Variants in SLC22A2 observed in about 807,000 individuals in gnomAD.
The protein encoded by SLC22A2 is solute carrier family 22 member 2.
SLC22A2 carries 46 observed loss-of-function variants against 60.5 expected under a neutral mutation model. The ratio of observed to expected loss-of-function variants is 0.76; its 90% CI spans 0.60 to 0.97. The LOEUF (loss-of-function observed/expected upper bound fraction) is 0.97. Among genes scored for constraint, SLC22A2 ranks in the 50% least tolerant of loss-of-function variants. The pLI is 0.00. For missense variants in SLC22A2, 701 were observed against 706.6 expected, an observed-to-expected ratio of 0.99 and a Z score of 0.09; for synonymous variants, 303 against 267.0, an observed-to-expected ratio of 1.13 and a Z score of -1.31.
At chr6:160,250,762 A>C in intron 2 of SLC22A2, 60 bp from the exon 3 acceptor site, 2 of 1,532,380 alleles carry the variant, frequency 1.3e-6, no homozygotes, top group Non-Finnish European at 1.8e-6. Flanking sequence ...AAGATTGTGG[A>C]AAATGCATGG....
rs541152312 is a variant in SLC22A2 at position 160,221,044 on chromosome 6, A to AT, written c.1602-3547dup. Among the ~76,000 whole-genome samples, 9 of 152,160 alleles carry AT rather than the reference A, an allele frequency of 5.9e-5. No homozygotes were observed. In the South Asian group the frequency reaches 1.5e-3, roughly 25 times the overall value. ...CTTCGAGCTTTGAAACCAGACATTG[A>AT]TTTTTTCCTCGCTCTTCATGAAAGT... is the stretch of plus-strand genomic sequence containing the variant. On this transcript the variant is annotated intron_variant, in intron 10 of 10. Transcript: ENST00000366953.
At chr6:160,236,389 T>G (rs939217990) in intron 9 of SLC22A2, among the ~76,000 whole-genome samples, 3 of 152,200 alleles carry the variant, frequency 2.0e-5, no homozygotes, top group African/African-American at 7.2e-5. Flanking sequence ...GAAACTTTTC[T>G]TTTGAGCTAT....
At chr6:160,221,632 G>A (rs1782645644) in intron 10 of SLC22A2, among the ~76,000 whole-genome samples, 1 of 152,246 alleles carries the variant, frequency 6.6e-6, no homozygotes, top group Non-Finnish European at 1.5e-5. Context: ...TTAACACCTA[G>A]AGGGCATTGT....
chr6:160,243,347 TA>T (rs756533908), intron 7 of SLC22A2, among the ~76,000 whole-genome samples: 20 of 151,986 alleles, frequency 1.3e-4, no homozygotes, highest in Non-Finnish European at 2.6e-4. Flanking sequence ...CATGGGGCTG[TA>T]AAGTCTCTCT....
intron 10 of SLC22A2, among the ~76,000 whole-genome samples, chr6:160,221,495 C>T (rs1191045012): frequency 1.3e-5 from 2 of 152,236 alleles, no homozygotes; most frequent in African/African-American, 4.8e-5. Flanking sequence ...TGTGCATTCT[C>T]GACTTGGCTA....
In SLC22A2 at chr6:160,230,852, C is replaced by A. The variant is rs189294614; in HGVS notation, c.1502-6048G>T. ...CATGTCCCATCTGTGCAGGACCCCA[C>A]TGGAAATTGGACTGTCCAACTTGCC... is the stretch of plus-strand genomic sequence containing the variant. On this transcript the variant is annotated intron_variant, in intron 9 of 10. Coordinates refer to ENST00000366953, the MANE Select transcript of SLC22A2 (RefSeq NM_003058.4). Among the ~76,000 whole-genome samples the A allele has an allele frequency of 1.7e-4, 26 of 152,080 alleles. 1 individual carries two copies. Among genetic ancestry groups the A allele is most frequent in the African/African-American group, 6.3e-4 (26 of 41,342 alleles).
intron 9 of SLC22A2, among the ~76,000 whole-genome samples, chr6:160,226,631 C>G (rs1227549476): frequency 2.0e-5 from 3 of 152,204 alleles, no homozygotes; most frequent in Non-Finnish European, 4.4e-5. Context: ...GTGTTGGAAT[C>G]TCGGAGCCTA....
At chr6:160,237,039 T>C (rs774105969) in intron 9 of SLC22A2, among the ~76,000 whole-genome samples, 7 of 152,162 alleles carry the variant, frequency 4.6e-5, no homozygotes, top group Non-Finnish European at 5.9e-5. Context: ...AATGGGAAAC[T>C]GGAGAGAGAA....
At chr6:160,226,250 T>C (rs1272243903) in intron 9 of SLC22A2, among the ~76,000 whole-genome samples, 1 of 152,180 alleles carries the variant, frequency 6.6e-6, no homozygotes, top group Admixed American at 6.5e-5. Flanking sequence ...CAATCAGCAC[T>C]GCCGGCTCAC....
chr6:160,256,184 T>C (rs952860139), intron 2 of SLC22A2, among the ~76,000 whole-genome samples: 1 of 151,970 alleles, frequency 6.6e-6, no homozygotes, highest in African/African-American at 2.4e-5. Context: ...GATTCTACAT[T>C]GGGCCTGGTG....
intron 9 of SLC22A2, among the ~76,000 whole-genome samples, chr6:160,226,452 G>A (rs1367877175): frequency 6.6e-6 from 1 of 152,198 alleles, no homozygotes; most frequent in Non-Finnish European, 1.5e-5. Context: ...CCCTTGGGTG[G>A]TTACAAAATC....
chr6:160,240,256 A>C (rs1460247148), intron 9 of SLC22A2, among the ~76,000 whole-genome samples: 3 of 152,202 alleles, frequency 2.0e-5, no homozygotes, highest in Non-Finnish European at 4.4e-5. Context: ...GACTTTAACT[A>C]GTGCCCAGTT....
At chr6:160,218,761 A>T (rs1436895845) in intron 10 of SLC22A2, among the ~76,000 whole-genome samples, 1 of 125,186 alleles carries the variant, frequency 8.0e-6, no homozygotes, top group Non-Finnish European at 1.7e-5. Flanking sequence ...CAACAAAACC[A>T]ACAATAGCAA....
In SLC22A2 at chr6:160,217,260, T is replaced by C. The variant is rs1409812323; in HGVS notation, c.*172A>G. 2.4e-6 allele frequency: 1 copy of C among 410,616 alleles called. No homozygotes were observed. The highest frequency in any genetic ancestry group is 4.3e-6 in the Non-Finnish European group (1 of 231,480). 25.4% of individuals were successfully genotyped at this position (410,616 alleles called of 1,614,324 possible). On this transcript the variant is annotated 3_prime_UTR_variant, in exon 11 of 11. Coordinates refer to ENST00000366953, the MANE Select transcript of SLC22A2 (RefSeq NM_003058.4). The stretch of plus-strand genomic sequence containing the variant: ...AAGAATTTGGCAGGATCTGGTCCCA[T>C]GGGTATTTTTCCACAGTGTACAATA...
Position 160,258,640 on chromosome 6 carries a change from T to C in SLC22A2, c.118A>G (p.Ile40Val). ...SATFAPIYVG[I>V]VFLGFTPDHR... ...TCAGGGGTGAAGCCCAGGAAGACGA[T>C]GCCCACGTAGATGGGCGCGAAGGTA... is the stretch of plus-strand genomic sequence containing the variant. Residue 40 changes from isoleucine to valine, a missense_variant, in exon 1 of 11, where the codon ATC becomes GTC. Ile to Val is a conservative substitution (Grantham distance 29). Transcript: ENST00000366953. 1 of 1,613,944 alleles carries C rather than the reference T, an allele frequency of 6.2e-7. No individual in the cohort carries two copies. Among genetic ancestry groups the C allele is most frequent in the Non-Finnish European group, 8.5e-7 (1 of 1,179,948 alleles).
At chr6:160,234,969 T>C (rs1480587267) in intron 9 of SLC22A2, among the ~76,000 whole-genome samples, 1 of 152,198 alleles carries the variant, frequency 6.6e-6, no homozygotes, top group Non-Finnish European at 1.5e-5. Context: ...GAGCAAAAAA[T>C]ATCGGCTGTT....
intron 10 of SLC22A2, among the ~76,000 whole-genome samples, chr6:160,218,679 C>A (rs945265107): frequency 3.1e-3 from 1 of 324 alleles, no homozygotes; most frequent in African/African-American, 9.3e-3. Context: ...GCAATAGTAA[C>A]AGTAACAGCA....
Position 160,258,526 on chromosome 6 carries a change from G to T in SLC22A2, c.232C>A (p.Pro78Thr). 6.2e-7 allele frequency: 1 copy of T among 1,614,126 alleles called. No individual in the cohort carries two copies. The highest frequency in any genetic ancestry group is 8.5e-7 in the Non-Finnish European group (1 of 1,180,000). Residue 78 changes from proline to threonine, a missense_variant, in exon 1 of 11, where the codon CCA becomes ACA. Pro to Thr is a conservative substitution (Grantham distance 38, BLOSUM62 -1). Coordinates refer to ENST00000366953, the MANE Select transcript of SLC22A2 (RefSeq NM_003058.4). ...AEELNYTVPG[P>T]GPAGEASPRQ... ...GGGGAGGCTTCGCCCGCAGGTCCTG[G>T]GCCCGGCACCGTGTAGTTCAGTTCC...
intron 9 of SLC22A2, among the ~76,000 whole-genome samples, chr6:160,226,492 A>G (rs914763699): frequency 2.0e-5 from 3 of 152,210 alleles, no homozygotes; most frequent in East Asian, 1.9e-4. Flanking sequence ...AATGCGGCCA[A>G]CTGTTCAAAC....
Sources: allele counts gnomAD v4.1 joint callset (sites outside exome capture counted in the v4.1 genomes callset), GRCh38; gene constraint gnomAD v4.1.1; transcripts MANE v1.5; gene names NCBI Gene and HGNC (gene_info 2026-07-23, HGNC 2026-07-21).